Variants in LINGO2 observed in about 807,000 individuals in gnomAD.
LINGO2 encodes the protein leucine-rich repeat and immunoglobulin-like domain-containing nogo receptor-interacting protein 2.
A neutral mutation model predicts 30.6 loss-of-function variants in LINGO2; 14 were observed. The observed-to-expected ratio is 0.46, with a 90% confidence interval of 0.30 to 0.72. The LOEUF is 0.72. Ranked by LOEUF, LINGO2 falls within the 30% of genes least tolerant of loss-of-function variation. The pLI is 0.07. For missense variants in LINGO2, 729 were observed against 751.7 expected, an observed-to-expected ratio of 0.97 and a Z score of 0.35; for synonymous variants, 317 against 288.5, an observed-to-expected ratio of 1.10 and a Z score of -1.00.
intron 2 of LINGO2, among the ~76,000 whole-genome samples, chr9:28,473,336 GATC>G (rs1233432842): frequency 6.6e-6 from 1 of 151,756 alleles, no homozygotes; most frequent in East Asian, 1.9e-4. Context: ...TTGGTAGATG[GATC>G]ATCGTCTTTC....
At chr9:29,074,927 C>T in the LINGO2 span, among the ~76,000 whole-genome samples, 3 of 151,902 alleles carry the variant, frequency 2.0e-5, no homozygotes, top group South Asian at 2.1e-4. Context: ...CCGCCCGCCT[C>T]GGCCTCCCAA....
chr9:28,667,847 C>T lies in LINGO2; in HGVS notation c.-365+2353G>A, dbSNP rs545605278. ...TGGGTTTATAAATGTTCTTCTTCAACTGTGGACTGAGCTAACAGTTTTGGG... is the reference window on the plus strand; with the variant it reads ...TGGGTTTATAAATGTTCTTCTTCAATTGTGGACTGAGCTAACAGTTTTGGG... On this transcript the variant is annotated intron_variant, in intron 1 of 5. Coordinates refer to ENST00000379992, the Ensembl canonical transcript of LINGO2. Among the ~76,000 whole-genome samples the T allele has an allele frequency of 8.5e-5, 13 of 152,312 alleles. No homozygotes were observed. The South Asian group carries it at 2.7e-3, about 32-fold the overall frequency.
chr9:28,359,822 G>A (rs1244505049), intron 3 of LINGO2, among the ~76,000 whole-genome samples: 1 of 152,114 alleles, frequency 6.6e-6, no homozygotes, highest in Non-Finnish European at 1.5e-5. Flanking sequence ...TTGCAGGCAT[G>A]CTTCCCTCTC....
At chr9:28,315,941 C>T (rs972574011) in intron 3 of LINGO2, among the ~76,000 whole-genome samples, 2 of 152,162 alleles carry the variant, frequency 1.3e-5, no homozygotes, top group Admixed American at 1.3e-4. Flanking sequence ...ACCAGATCTT[C>T]TGAGTTTCAA....
the LINGO2 span, among the ~76,000 whole-genome samples, chr9:28,892,454 T>C: frequency 1.3e-5 from 2 of 152,044 alleles, no homozygotes; most frequent in African/African-American, 4.8e-5. Context: ...TTATTCTTGA[T>C]ACTGAATCTG....
At chr9:28,546,431 T>G (rs1450774592) in intron 1 of LINGO2, among the ~76,000 whole-genome samples, 1 of 152,052 alleles carries the variant, frequency 6.6e-6, no homozygotes, top group African/African-American at 2.4e-5. Context: ...CTAATGGTAA[T>G]AGACTGAGTG....
chr9:28,575,682 A>C (rs1208879874), intron 1 of LINGO2, among the ~76,000 whole-genome samples: 1 of 152,066 alleles, frequency 6.6e-6, no homozygotes, highest in East Asian at 1.9e-4. Flanking sequence ...TACACAATAC[A>C]CCTGAAACTA....
intron 3 of LINGO2, among the ~76,000 whole-genome samples, chr9:28,311,906 A>G (rs1361641432): frequency 6.6e-6 from 1 of 152,202 alleles, no homozygotes; most frequent in Non-Finnish European, 1.5e-5. Context: ...AATCTTCACA[A>G]TTTATATTCA....
upstream of LINGO2, among the ~76,000 whole-genome samples, chr9:28,674,308 A>T (rs1219788190): frequency 6.6e-6 from 1 of 152,178 alleles, no homozygotes; most frequent in Non-Finnish European, 1.5e-5. Context: ...AATTGATTCA[A>T]ACTGGAGTAA....
intron 4 of LINGO2, among the ~76,000 whole-genome samples, chr9:28,052,088 G>C (rs1045896001): frequency 6.6e-6 from 1 of 152,038 alleles, no homozygotes; most frequent in Non-Finnish European, 1.5e-5. Context: ...ATTTAGCAGA[G>C]GGTAAACTGG....
At chr9:28,236,657 C>G (rs1821576420) in intron 4 of LINGO2, among the ~76,000 whole-genome samples, 4 of 152,114 alleles carry the variant, frequency 2.6e-5, no homozygotes, top group Admixed American at 2.6e-4. Context: ...CATATTCTCA[C>G]TTGTTTGTGA....
chr9:28,118,380 A>G (rs939189617), intron 4 of LINGO2, among the ~76,000 whole-genome samples: 2 of 152,222 alleles, frequency 1.3e-5, no homozygotes, highest in African/African-American at 2.4e-5. Flanking sequence ...AGCCATATCC[A>G]GTTGTCTCCA....
the LINGO2 span, among the ~76,000 whole-genome samples, chr9:28,992,147 C>T: frequency 6.6e-6 from 1 of 151,818 alleles, no homozygotes; most frequent in Non-Finnish European, 1.5e-5. Context: ...CACACATAGG[C>T]TCAAAATAAA....
At chr9:28,945,619 C>T in the LINGO2 span, among the ~76,000 whole-genome samples, 1 of 152,080 alleles carries the variant, frequency 6.6e-6, no homozygotes, top group Non-Finnish European at 1.5e-5. Context: ...TCTGAATAAT[C>T]ATGTTTAAAA....
At chr9:28,246,311 C>T (rs978560491) in intron 4 of LINGO2, among the ~76,000 whole-genome samples, 2 of 152,062 alleles carry the variant, frequency 1.3e-5, no homozygotes, top group African/African-American at 4.8e-5. Flanking sequence ...GTAGTCACAG[C>T]TACCTGGGAG....
intron 4 of LINGO2, among the ~76,000 whole-genome samples, chr9:28,269,396 C>A (rs1227282287): frequency 6.6e-6 from 1 of 151,980 alleles, no homozygotes; most frequent in African/African-American, 2.4e-5. Context: ...TATAAATTTC[C>A]TATAGATTGA....
At chr9:28,149,910 C>T (rs1430058317) in intron 4 of LINGO2, among the ~76,000 whole-genome samples, 8 of 149,714 alleles carry the variant, frequency 5.3e-5, no homozygotes, top group Non-Finnish European at 8.9e-5. Flanking sequence ...TATGCCTCGC[C>T]GCCGTCCTGT....
At chr9:28,792,031 T>C in the LINGO2 span, among the ~76,000 whole-genome samples, 2 of 150,852 alleles carry the variant, frequency 1.3e-5, no homozygotes, top group African/African-American at 4.9e-5. Context: ...CTTTAAAATA[T>C]AGATATATAT....
the LINGO2 span, among the ~76,000 whole-genome samples, chr9:28,687,955 G>A: frequency 1.3e-5 from 2 of 152,104 alleles, no homozygotes; most frequent in Admixed American, 6.6e-5. Flanking sequence ...ATGGGAAAGA[G>A]GAGAAATGTG....
Sources: gnomAD v4.1 joint callset for allele counts (sites outside exome capture counted in the v4.1 genomes callset) on GRCh38, gnomAD v4.1.1 for gene constraint, MANE v1.5 for transcripts, NCBI Gene and HGNC (gene_info 2026-07-23, HGNC 2026-07-21) for gene names.